Variants in DLGAP2 observed in about 807,000 individuals in gnomAD.
The protein encoded by DLGAP2 is disks large-associated protein 2.
A neutral mutation model predicts 100.3 loss-of-function variants in DLGAP2; 26 were observed. The observed-to-expected ratio is 0.26, with a 90% CI of 0.19 to 0.36. The LOEUF (loss-of-function observed/expected upper bound fraction) is 0.36, where lower values mean the gene tolerates loss of function less well. Among genes scored for constraint, DLGAP2 ranks in the 10% least tolerant of loss-of-function variants. The pLI, the probability that DLGAP2 is intolerant of heterozygous loss-of-function variation, is 1.00. For synonymous variants in DLGAP2, 886 were observed against 630.1 expected (o/e 1.41, Z -6.08); for missense variants, 1,858 against 1,453.2 (o/e 1.28, Z -4.53).
chr8:1,651,565 C>T (rs1449647317), intron 8 of DLGAP2, among the ~76,000 whole-genome samples: 1 of 152,176 alleles, frequency 6.6e-6, no homozygotes, highest in African/African-American at 2.4e-5. Flanking sequence ...CTGGGGCGTC[C>T]ATCCCTTCTG....
At chr8:1,553,362 G>C (rs1801841837) in intron 5 of DLGAP2, among the ~76,000 whole-genome samples, 1 of 152,202 alleles carries the variant, frequency 6.6e-6, no homozygotes. Flanking sequence ...GACATGAAGA[G>C]GTTCGGACTC....
chr8:1,337,704 C>G (rs1381501271), intron 3 of DLGAP2, among the ~76,000 whole-genome samples: 1 of 152,084 alleles, frequency 6.6e-6, no homozygotes, highest in African/African-American at 2.4e-5. Context: ...AACAGACAAA[C>G]TTTATTGACA....
intron 10 of DLGAP2, among the ~76,000 whole-genome samples, 168 bp from the exon 11 acceptor site, chr8:1,676,365 C>A (rs1585053575): frequency 6.6e-6 from 1 of 152,278 alleles, no homozygotes; most frequent in African/African-American, 2.4e-5. Flanking sequence ...TGTAATTACT[C>A]CAGTGTGAAT....
At chr8:1,470,650 A>G (rs1318096273) in intron 3 of DLGAP2, among the ~76,000 whole-genome samples, 1 of 152,100 alleles carries the variant, frequency 6.6e-6, no homozygotes. Flanking sequence ...AAAGTGACTA[A>G]TCTCTCGGCA....
chr8:1,333,073 G>T (rs556611084), intron 3 of DLGAP2, among the ~76,000 whole-genome samples: 2 of 152,314 alleles, frequency 1.3e-5, no homozygotes, highest in African/African-American at 4.8e-5. Flanking sequence ...GTGTCTGGAG[G>T]AGGTCAGGCT....
At chr8:1,577,088 A>G (rs1457594355) in intron 6 of DLGAP2, among the ~76,000 whole-genome samples, 1 of 152,234 alleles carries the variant, frequency 6.6e-6, no homozygotes, top group Non-Finnish European at 1.5e-5. Flanking sequence ...CACACTGAAT[A>G]CTGCAAGTAA....
At chr8:960,978 G>A (rs567229398) in intron 2 of DLGAP2, among the ~76,000 whole-genome samples, 3 of 151,982 alleles carry the variant, frequency 2.0e-5, no homozygotes, top group African/African-American at 4.8e-5. Context: ...TAATTGTGCT[G>A]CCATTGATAT....
chr8:828,487 A>C (rs1796723140), intron 1 of DLGAP2, among the ~76,000 whole-genome samples: 1 of 152,200 alleles, frequency 6.6e-6, no homozygotes, highest in Non-Finnish European at 1.5e-5. Flanking sequence ...GTTTAAGGTT[A>C]TCTCTCTTAT....
chr8:1,527,597 T>C (rs1800836265), intron 4 of DLGAP2, among the ~76,000 whole-genome samples: 1 of 152,246 alleles, frequency 6.6e-6, no homozygotes, highest in South Asian at 2.1e-4. Flanking sequence ...GTTTCTATTT[T>C]TCCTAAGGAA....
At chr8:1,678,135 G>C (rs1798852132) in intron 11 of DLGAP2, 79 bp from the exon 12 acceptor site, 2 of 1,513,918 alleles carry the variant, frequency 1.3e-6, no homozygotes, top group African/African-American at 1.4e-5. Context: ...GTGCGCTCCT[G>C]ACAGGCGACA....
rs1797684601 is a variant in DLGAP2, at chr8:1,632,915, A to C, written c.1679A>C (p.Asp560Ala). The C allele has an allele frequency of 6.2e-7, 1 of 1,613,122 alleles. No individual in the cohort carries two copies. The highest frequency in any genetic ancestry group is 1.3e-5 in the African/African-American group (1 of 74,604). Residue 560 changes from aspartate (D) to alanine (A), a missense_variant, in exon 8 of 15, where the codon GAC becomes GCC. Coordinates refer to ENST00000637795, the MANE Select transcript of DLGAP2 (RefSeq NM_001346810.2). The stretch of plus-strand genomic sequence containing the variant: ...GAATCTCAGGCCATGGATGCCCTCG[A>C]CCTCCCGGGATGTTTCCGAACAAGG... ...EVESQAMDAL[D>A]LPGCFRTRSH...
intron 1 of DLGAP2, among the ~76,000 whole-genome samples, chr8:763,166 C>A (rs1279433665): frequency 6.6e-6 from 1 of 152,138 alleles, no homozygotes; most frequent in Admixed American, 6.5e-5. Context: ...GCTGACCGTG[C>A]CCTGGAAGGA....
At chr8:1,456,665 A>T (rs1290602032) in intron 3 of DLGAP2, among the ~76,000 whole-genome samples, 2 of 151,822 alleles carry the variant, frequency 1.3e-5, no homozygotes, top group East Asian at 3.9e-4. Context: ...AAATAAAATG[A>T]GACCGATTGT....
At chr8:1,012,000 A>G (rs1196933461) in intron 2 of DLGAP2, among the ~76,000 whole-genome samples, 3 of 152,186 alleles carry the variant, frequency 2.0e-5, no homozygotes, top group Non-Finnish European at 4.4e-5. Flanking sequence ...TGAGTGGCTC[A>G]AGTCCAGGGG....
chr8:1,503,370 C>G (rs1306115512), intron 4 of DLGAP2, among the ~76,000 whole-genome samples: 1 of 151,494 alleles, frequency 6.6e-6, no homozygotes, highest in Non-Finnish European at 1.5e-5. Context: ...GAAGTGGAAC[C>G]ACACAGGATT....
intron 2 of DLGAP2, among the ~76,000 whole-genome samples, chr8:921,628 C>G (rs1038370259): frequency 2.6e-5 from 4 of 152,270 alleles, no homozygotes; most frequent in African/African-American, 9.6e-5. Flanking sequence ...ACCCTGGAAA[C>G]TCCTCCGCTG....
At chr8:1,354,184 C>A (rs13250486) in intron 3 of DLGAP2, among the ~76,000 whole-genome samples, 55,301 of 151,968 alleles carry the variant, frequency 0.36, 10,466 homozygotes, top group East Asian at 0.49. Flanking sequence ...AACCTGCTCA[C>A]CAGTGGGATG....
chr8:1,509,070 C>A (rs551580791), intron 4 of DLGAP2, among the ~76,000 whole-genome samples: 5 of 152,182 alleles, frequency 3.3e-5, no homozygotes, highest in South Asian at 4.1e-4. Context: ...CGGTGGCTCA[C>A]GCCTGTAATC....
At position 828,455 on chromosome 8, in the gene DLGAP2, G is replaced by A. The variant is rs540129483; in HGVS notation, c.19-79457G>A. On this transcript the variant is annotated intron_variant, in intron 1 of 14. Coordinates refer to ENST00000637795, the MANE Select transcript of DLGAP2 (RefSeq NM_001346810.2). ...AAGAAGAGAAATATGGCTCTGTTCC[G>A]CCCAGCTCACCGGTGGTCAGAGTTT... Among the ~76,000 whole-genome samples the A allele has an allele frequency of 5.2e-4, 79 of 152,256 alleles. No homozygotes were observed. In the South Asian group the frequency reaches 6.4e-3, roughly 12 times the overall value.
Sources: gnomAD v4.1 joint callset for allele counts (sites outside exome capture counted in the v4.1 genomes callset) on GRCh38, gnomAD v4.1.1 for gene constraint, MANE v1.5 for transcripts, NCBI Gene and HGNC (gene_info 2026-07-23, HGNC 2026-07-21) for gene names.